The following ARHGAP26 variants were observed in gnomAD, a reference collection of about 807,000 sequenced individuals.
The protein encoded by ARHGAP26 is Rho GTPase activating protein 26.
A neutral mutation model predicts 104.8 loss-of-function variants in ARHGAP26; 38 were observed. The observed-to-expected ratio is 0.36, with a 90% CI of 0.28 to 0.48. The LOEUF is 0.48. Ranked by LOEUF, ARHGAP26 falls within the 20% of genes least tolerant of loss-of-function variation. ARHGAP26 has a pLI of 0.99. For missense variants in ARHGAP26, 704 were observed against 947.9 expected (o/e 0.74, Z 3.38); for synonymous variants, 341 against 340.0 (o/e 1.00, Z -0.03).
At chr5:142,824,353 G>A (rs112405784) in intron 1 of ARHGAP26, among the ~76,000 whole-genome samples, 2,077 of 152,242 alleles carry the variant, frequency 0.014, 56 homozygotes, top group African/African-American at 0.048. Flanking sequence ...CCTGAGGGTC[G>A]TCCCTATCAA....
intron 17 of ARHGAP26, among the ~76,000 whole-genome samples, chr5:143,080,901 G>T (rs1789711351): frequency 6.6e-6 from 1 of 151,970 alleles, no homozygotes. Flanking sequence ...AGACACTGGG[G>T]CCTGGACTAG....
chr5:142,867,424 G>A (rs1038016003), intron 1 of ARHGAP26, among the ~76,000 whole-genome samples: 1 of 151,834 alleles, frequency 6.6e-6, no homozygotes, highest in African/African-American at 2.4e-5. Context: ...GAAGCACATC[G>A]AACTAGGTTT....
intron 1 of ARHGAP26, among the ~76,000 whole-genome samples, chr5:142,787,995 C>CTTTTTTTT (rs71576156): frequency 3.8e-5 from 5 of 132,862 alleles, no homozygotes; most frequent in African/African-American, 1.1e-4. Flanking sequence ...TTAACCAATT[C>CTTTTTTTT]TTTTTTTTTT....
intron 11 of ARHGAP26, among the ~76,000 whole-genome samples, chr5:142,937,627 G>C (rs552235229): frequency 1.3e-5 from 2 of 152,272 alleles, no homozygotes; most frequent in Admixed American, 6.5e-5. Context: ...ATAATAGCTT[G>C]AAACTGGAAG....
intron 13 of ARHGAP26, among the ~76,000 whole-genome samples, chr5:143,037,818 A>G (rs1277825177): frequency 2.6e-5 from 4 of 152,210 alleles, no homozygotes; most frequent in African/African-American, 7.2e-5. Flanking sequence ...GTTCACAGAC[A>G]CCCTAAATTT....
intron 1 of ARHGAP26, among the ~76,000 whole-genome samples, chr5:142,868,594 C>T (rs779785425): frequency 6.6e-6 from 1 of 152,156 alleles, no homozygotes; most frequent in Non-Finnish European, 1.5e-5. Flanking sequence ...GGACATGGCA[C>T]ATGAGGGAGC....
chr5:143,115,913 C>T (rs1274220846), intron 17 of ARHGAP26, among the ~76,000 whole-genome samples: 1 of 152,170 alleles, frequency 6.6e-6, no homozygotes, highest in Non-Finnish European at 1.5e-5. Context: ...AATATTTGCA[C>T]TTTATACCTC....
chr5:143,026,855 A>T (rs558003314), intron 12 of ARHGAP26, among the ~76,000 whole-genome samples: 126 of 152,276 alleles, frequency 8.3e-4, no homozygotes, highest in African/African-American at 2.8e-3. Context: ...TGCTGCAGGC[A>T]GTCCAGGCAA....
intron 20 of ARHGAP26, among the ~76,000 whole-genome samples, chr5:143,163,502 G>A (rs1359905669): frequency 3.3e-5 from 5 of 150,248 alleles, no homozygotes; most frequent in Non-Finnish European, 7.4e-5. Flanking sequence ...CCAGGCTCGA[G>A]TGCAATGGTG....
chr5:143,016,448 T>C (rs1779596185), intron 12 of ARHGAP26, among the ~76,000 whole-genome samples: 1 of 152,160 alleles, frequency 6.6e-6, no homozygotes, highest in Non-Finnish European at 1.5e-5. Flanking sequence ...CTCACGCCTG[T>C]AATCCCAGCA....
chr5:142,799,035 T>A (rs1192404605), intron 1 of ARHGAP26, among the ~76,000 whole-genome samples: 1 of 152,172 alleles, frequency 6.6e-6, no homozygotes, highest in Non-Finnish European at 1.5e-5. Flanking sequence ...CCCAATCTGG[T>A]ATACCTCGAA....
At chr5:143,037,141 C>T (rs913282748) in intron 12 of ARHGAP26, 55 bp from the exon 13 acceptor site, 3 of 1,488,550 alleles carry the variant, frequency 2.0e-6, no homozygotes, top group South Asian at 2.4e-5. Context: ...TAAGCCCTAT[C>T]CTGAGGTTGA....
At chr5:142,937,933 G>A (rs1028140031) in intron 11 of ARHGAP26, among the ~76,000 whole-genome samples, 6 of 152,114 alleles carry the variant, frequency 3.9e-5, no homozygotes, top group Admixed American at 3.3e-4. Flanking sequence ...CCTTCGTGGT[G>A]ATGGAATAGT....
At chr5:142,875,721 G>C (rs952113376) in intron 3 of ARHGAP26, among the ~76,000 whole-genome samples, 2 of 152,200 alleles carry the variant, frequency 1.3e-5, no homozygotes, top group African/African-American at 4.8e-5. Flanking sequence ...AGGTTCTTAA[G>C]AGATATCTTT....
intron 14 of ARHGAP26, 74 bp from the exon 15 acceptor site, chr5:143,054,365 G>T: frequency 1.1e-6 from 1 of 937,346 alleles, no homozygotes; most frequent in Non-Finnish European, 1.6e-6. Flanking sequence ...AGCAAGATTG[G>T]ATGCCTTTAT....
intron 1 of ARHGAP26, among the ~76,000 whole-genome samples, chr5:142,836,225 G>C (rs1769532825): frequency 6.6e-6 from 1 of 152,206 alleles, no homozygotes; most frequent in African/African-American, 2.4e-5. Flanking sequence ...CTCAGTTAAT[G>C]ATCTCTCTGG....
chr5:142,862,766 C>T (rs1388599015), intron 1 of ARHGAP26, among the ~76,000 whole-genome samples: 1 of 152,154 alleles, frequency 6.6e-6, no homozygotes. Context: ...ACTTATAAAC[C>T]TCTTCCAAGA....
intron 20 of ARHGAP26, among the ~76,000 whole-genome samples, chr5:143,154,339 G>C (rs1800216125): frequency 6.6e-6 from 1 of 152,216 alleles, no homozygotes; most frequent in East Asian, 1.9e-4. Context: ...TTAGCTCTCT[G>C]TACCTCAGTT....
intron 6 of ARHGAP26, among the ~76,000 whole-genome samples, chr5:142,898,034 G>C (rs1051835161): frequency 1.3e-5 from 2 of 152,124 alleles, no homozygotes; most frequent in African/African-American, 4.8e-5. Flanking sequence ...TTTCTTGAAA[G>C]TAACTTCAAG....
Sources: gnomAD v4.1 joint callset for allele counts (sites outside exome capture counted in the v4.1 genomes callset) on GRCh38, gnomAD v4.1.1 for gene constraint, MANE v1.5 for transcripts, NCBI Gene and HGNC (gene_info 2026-07-23, HGNC 2026-07-21) for gene names.